The following CMBL variants were observed in gnomAD, a reference collection of about 807,000 sequenced individuals.
CMBL encodes the protein carboxymethylenebutenolidase homolog (Pseudomonas).
CMBL carries 17 observed loss-of-function variants against 28.7 expected under a neutral mutation model. The observed-to-expected ratio is 0.59, with a 90% CI of 0.41 to 0.89. The LOEUF (loss-of-function observed/expected upper bound fraction) is 0.89. Among genes scored for constraint, CMBL ranks in the 40% least tolerant of loss-of-function variants. The probability of loss-of-function intolerance (pLI) is 0.00; values close to 1 mark genes in which losing one functional copy is unlikely to be tolerated. For synonymous variants in CMBL, 106 were observed against 101.6 expected, an observed-to-expected ratio of 1.04 and a Z score of -0.26; for missense variants, 310 against 298.5, an observed-to-expected ratio of 1.04 and a Z score of -0.28.
Position 10,279,175 on chromosome 5 carries a change from C to T in CMBL, c.*1278G>A, listed in dbSNP as rs1464350741. On this transcript the variant is annotated 3_prime_UTR_variant, in exon 6 of 6. Coordinates refer to ENST00000296658, the MANE Select transcript of CMBL (RefSeq NM_138809.4). ...CTGAGGTAGCCTCAGGCCCTGGGAC[C>T]CAAAAATGCCAGTGCTTGGAAATCC... The T allele has an allele frequency of 6.6e-6, 1 of 152,108 alleles. No homozygotes were observed. The highest frequency in any genetic ancestry group is 1.5e-5 in the Non-Finnish European group (1 of 68,026). 9.4% of individuals were successfully genotyped at this position (152,108 alleles called of 1,614,324 possible).
chr5:10,283,092 G>GAAAA lies in CMBL; in HGVS notation c.467-808_467-805dup, dbSNP rs70944000. Reference sequence around the variant, plus strand: ...GGCAACAGAGCAAGACTCCGTCTCAGAAAAAAAAAAAAAAAGAGGATTATA... The same window carrying GAAAA: ...GGCAACAGAGCAAGACTCCGTCTCAGAAAAAAAAAAAAAAAAAAAGAGGATTATA... On this transcript the variant is annotated intron_variant, in intron 4 of 5. Coordinates refer to ENST00000296658, the MANE Select transcript of CMBL (RefSeq NM_138809.4). Among the ~76,000 whole-genome samples, 246 of 119,998 alleles carry GAAAA rather than the reference G, an allele frequency of 2.1e-3. 12 individuals carry two copies. The highest frequency in any genetic ancestry group is 3.0e-3 in the Non-Finnish European group (180 of 60,050). 78.7% of individuals were successfully genotyped at this position (119,998 alleles called of 152,430 possible). A position where few individuals can be genotyped will look rare whatever the true frequency, so the allele number is the denominator to read the frequency against.
rs1746483040 is a variant in CMBL at position 10,280,637 on chromosome 5, T to C, written c.559-5A>G. On this transcript the variant is annotated splice_polypyrimidine_tract_variant and splice_region_variant and intron_variant, in intron 5 of 5. Coordinates refer to ENST00000296658, the MANE Select transcript of CMBL (RefSeq NM_138809.4). The stretch of plus-strand genomic sequence containing the variant: ...CTTCTGAGTCAGCAAAGATACCTGG[T>C]GTGCAAAAGATTTCATGATTTTAAC... The C allele has an allele frequency of 6.3e-7, 1 of 1,592,648 alleles. No homozygotes were observed. The highest frequency in any genetic ancestry group is 1.3e-5 in the African/African-American group (1 of 74,746).
chr5:10,290,693 C>CA lies in CMBL; in HGVS notation c.69dup (p.Glu24Ter). The CA allele has an allele frequency of 1.2e-6, 2 of 1,614,206 alleles. No homozygotes were observed. The highest frequency in any genetic ancestry group is 1.7e-6 in the Non-Finnish European group (2 of 1,180,050). On this transcript the variant is annotated frameshift_variant, in exon 2 of 6. Transcript: ENST00000296658. LOFTEE classifies it high-confidence loss of function. Reference sequence around the variant, plus strand: ...GCCTTGATGTGCTCGACTTGAACTTCACGGCCTAGCCCTCCATACTCAAGT... The same window carrying CA: ...GCCTTGATGTGCTCGACTTGAACTTCAACGGCCTAGCCCTCCATACTCAAGT...
At chr5:10,307,050 G>A (rs980557855) in intron 1 of CMBL, 3 of 152,214 alleles carry the variant, frequency 2.0e-5, no homozygotes, top group African/African-American at 2.4e-5. Context: ...TGGCTGTGGG[G>A]TGTAAACTGT....
intron 4 of CMBL, 57 bp from the exon 5 acceptor site, chr5:10,282,345 C>A: frequency 2.0e-6 from 2 of 987,474 alleles, no homozygotes; most frequent in South Asian, 1.3e-5. Context: ...CCACATGATC[C>A]CCACACCCAT....
Position 10,290,746 on chromosome 5 carries a change from T to C in CMBL, c.17A>G (p.Tyr6Cys), listed in dbSNP as rs1746698347. Residue 6 changes from tyrosine (Y) to cysteine (C), a missense_variant, in exon 2 of 6, where the codon TAT becomes TGT. Tyr to Cys is a radical substitution (Grantham distance 194). Coordinates refer to ENST00000296658, the MANE Select transcript of CMBL (RefSeq NM_138809.4). MANEA[Y>C]PCPCDIGHRL... Reference sequence around the variant, plus strand: ...GTGGCCAATGTCACACGGACAAGGATAAGCTTCGTTAGCCATTGCAGAGAT... The same window carrying C: ...GTGGCCAATGTCACACGGACAAGGACAAGCTTCGTTAGCCATTGCAGAGAT... The C allele has an allele frequency of 1.9e-6, 3 of 1,614,176 alleles. No individual in the cohort carries two copies. The South Asian group carries it at 3.3e-5, about 18-fold the overall frequency.
chr5:10,293,437 C>T (rs1746759916), intron 1 of CMBL, among the ~76,000 whole-genome samples: 1 of 152,138 alleles, frequency 6.6e-6, no homozygotes, highest in South Asian at 2.1e-4. Context: ...CTGGGGTCTC[C>T]ATTATAAGGA....
At chr5:10,301,275 A>C (rs942058259) in intron 1 of CMBL, among the ~76,000 whole-genome samples, 5 of 152,244 alleles carry the variant, frequency 3.3e-5, no homozygotes, top group African/African-American at 1.2e-4. Context: ...TAAAGTAATT[A>C]GATTTTGAGA....
chr5:10,290,830 G>T, intron 1 of CMBL, 49 bp from the exon 2 acceptor site: 1 of 1,356,328 alleles, frequency 7.4e-7, no homozygotes. Context: ...CAAATCTAAA[G>T]GCTATAAATG....
At chr5:10,287,897 G>T (rs1442389795) in intron 3 of CMBL, among the ~76,000 whole-genome samples, 1 of 151,340 alleles carries the variant, frequency 6.6e-6, no homozygotes, top group Non-Finnish European at 1.5e-5. Context: ...TTGTTTGTTT[G>T]TTTTTTGTAT....
chr5:10,290,427 G>T, intron 2 of CMBL, 121 bp downstream of exon 2: 2 of 773,788 alleles, frequency 2.6e-6, no homozygotes, highest in Non-Finnish European at 4.2e-6. Flanking sequence ...AGATAGGGAA[G>T]TTTCTAATGT....
At position 10,289,237 on chromosome 5, in the gene CMBL, G is replaced by A. The variant is rs148027041; in HGVS notation, c.216-708C>T. On this transcript the variant is annotated intron_variant, in intron 2 of 5. Coordinates refer to ENST00000296658, the MANE Select transcript of CMBL (RefSeq NM_138809.4). This position sits in a 1 kb window ranked among gnomAD's most constrained non-coding sequence, Gnocchi z 4.3. ...GTGAGAAAATCCAAGTTCGAGGCTC[G>A]GTACACCCCATGCTGCTGTGTGGCC... Among the ~76,000 whole-genome samples the A allele has an allele frequency of 8.5e-5, 13 of 152,260 alleles. No homozygotes were observed. The highest frequency in any genetic ancestry group is 2.6e-4 in the African/African-American group (11 of 41,540).
At position 10,295,755 on chromosome 5, in the gene CMBL, C is replaced by T. The variant is rs184962122; in HGVS notation, c.-19-4974G>A. ...GCGCCTCGATCTTGGACTTTCCAGCCTCCAGAACTGTGAGAAATGTTTGTT... is the reference window on the plus strand; with the variant it reads ...GCGCCTCGATCTTGGACTTTCCAGCTTCCAGAACTGTGAGAAATGTTTGTT... On this transcript the variant is annotated intron_variant, in intron 1 of 5. Transcript: ENST00000296658. Among the ~76,000 whole-genome samples, 136 of 152,326 alleles carry T rather than the reference C, an allele frequency of 8.9e-4. 1 individual carries two copies. The highest frequency in any genetic ancestry group is 1.5e-3 in the Non-Finnish European group (104 of 68,030).
chr5:10,299,062 T>C (rs113307631), intron 1 of CMBL, among the ~76,000 whole-genome samples: 3 of 152,268 alleles, frequency 2.0e-5, no homozygotes, highest in East Asian at 3.9e-4. Context: ...ATTAATAAGA[T>C]AGTAACTAAG....
In CMBL at chr5:10,286,410, G is replaced by C; in HGVS notation, c.410C>G (p.Ala137Gly). Reference sequence around the variant, plus strand: ...GTATTTCATCATCAAATGATGGACAGCAGTTCCACCCCAGCAGAATCCCAC... The same window carrying C: ...GTATTTCATCATCAAATGATGGACACCAGTTCCACCCCAGCAGAATCCCAC... Reference protein sequence around the residue: ...GIVGFCWGGTAVHHLMMKYSE... With the variant: ...GIVGFCWGGTGVHHLMMKYSE... The change falls in exon 4 of 6, where the codon GCT (alanine) becomes GGT (glycine). Residue 137 changes from alanine to glycine, a missense_variant. By Grantham distance (60) the Ala-to-Gly change is moderately conservative (BLOSUM62 0). Transcript: ENST00000296658. 6.2e-7 allele frequency: 1 copy of C among 1,613,998 alleles called. No individual in the cohort carries two copies. The highest frequency in any genetic ancestry group is 1.3e-5 in the African/African-American group (1 of 75,034).
chr5:10,291,639 G>C (rs10060928), intron 1 of CMBL, among the ~76,000 whole-genome samples: 35,519 of 150,334 alleles, frequency 0.24, 5,916 homozygotes, highest in African/African-American at 0.47. Context: ...CCAGCCTGGG[G>C]GACAGAGCGA....
chr5:10,297,569 C>CAAAAAAAAAAAAA (rs551779818), intron 1 of CMBL, among the ~76,000 whole-genome samples: 1 of 65,452 alleles, frequency 1.5e-5, no homozygotes. Context: ...AACTCTATCT[C>CAAAAAAAAAAAAA]AAAAAAAAAA....
rs979066518 is a variant in CMBL, at chr5:10,278,941, C to T, written c.*1512G>A. 2.0e-5 allele frequency among the ~76,000 whole-genome samples: 3 copies of T among 152,114 alleles called. No homozygotes were observed. The highest frequency in any genetic ancestry group is 2.0e-4 in the Admixed American group (3 of 15,278). On this transcript the variant is annotated 3_prime_UTR_variant, in exon 6 of 6. Transcript: ENST00000296658. The stretch of plus-strand genomic sequence containing the variant: ...CCCATGAAAGGCACATGGGAAACAC[C>T]CACGACCACATCCCCAGGATCCCCG...
chr5:10,306,388 T>G (rs1261158545), intron 1 of CMBL, among the ~76,000 whole-genome samples: 3 of 149,802 alleles, frequency 2.0e-5, no homozygotes, highest in Non-Finnish European at 3.0e-5. Flanking sequence ...AGGAGGGAGG[T>G]CTGGGGGAAG....
Sources: allele counts gnomAD v4.1 joint callset (sites outside exome capture counted in the v4.1 genomes callset), GRCh38; gene constraint gnomAD v4.1.1; non-coding constraint Gnocchi (gnomAD v3.1); transcripts MANE v1.5; gene names NCBI Gene and HGNC (gene_info 2026-07-23, HGNC 2026-07-21).